Variants in HTR7 observed in about 807,000 individuals in gnomAD.
The protein encoded by HTR7 is 5-hydroxytryptamine receptor 7.
In HTR7, 16 loss-of-function variants were observed where a neutral mutation model predicts 34.0. That is an observed-to-expected ratio of 0.47 (90% CI 0.32 to 0.71). The LOEUF (loss-of-function observed/expected upper bound fraction) is 0.71. HTR7 is among the 30% of genes least tolerant of loss of function. HTR7 has a pLI of 0.04. For synonymous variants in HTR7, 265 were observed against 260.2 expected, an observed-to-expected ratio of 1.02 and a Z score of -0.18; for missense variants, 504 against 625.5, an observed-to-expected ratio of 0.81 and a Z score of 2.07.
intron 1 of HTR7, among the ~76,000 whole-genome samples, chr10:90,835,549 C>A (rs1846241235): frequency 6.6e-6 from 1 of 152,174 alleles, no homozygotes; most frequent in East Asian, 1.9e-4. Flanking sequence ...ATTAAACAGT[C>A]AACTATTGCT....
chr10:90,763,597 C>A (rs1589440432), intron 1 of HTR7, among the ~76,000 whole-genome samples: 1 of 152,276 alleles, frequency 6.6e-6, no homozygotes, highest in East Asian at 1.9e-4. Flanking sequence ...GGTATTTCTC[C>A]TAATGCTCTC....
Position 90,852,732 on chromosome 10 carries a change from T to C in HTR7, c.539+4401A>G, listed in dbSNP as rs75205009. On this transcript the variant is annotated intron_variant, in intron 1 of 3. Transcript: ENST00000336152. ...CTCTCACAGACATTATGTTGAGAAATAGAAGCCAGATTCAAAAGAGTACAT... is the reference window on the plus strand; with the variant it reads ...CTCTCACAGACATTATGTTGAGAAACAGAAGCCAGATTCAAAAGAGTACAT... Among the ~76,000 whole-genome samples, 41 of 152,310 alleles carry C rather than the reference T, an allele frequency of 2.7e-4. No homozygotes were observed. In the East Asian group the frequency reaches 6.6e-3, roughly 24 times the overall value.
chr10:90,744,805 G>A (rs557767879), intron 2 of HTR7, among the ~76,000 whole-genome samples: 6 of 152,106 alleles, frequency 3.9e-5, no homozygotes, highest in Non-Finnish European at 2.9e-5. Flanking sequence ...TAGCATAGAA[G>A]AGCCTTTATA....
chr10:90,783,219 C>T (rs1433700146), intron 1 of HTR7, among the ~76,000 whole-genome samples: 6 of 152,140 alleles, frequency 3.9e-5, no homozygotes, highest in Admixed American at 2.0e-4. Flanking sequence ...TAGCCCCTAG[C>T]CCCATGAGTG....
intron 1 of HTR7, among the ~76,000 whole-genome samples, chr10:90,831,951 G>A (rs542159660): frequency 1.3e-3 from 194 of 152,270 alleles, no homozygotes; most frequent in Middle Eastern, 3.4e-3. Context: ...ACAGAGTGCC[G>A]ATTGGCGCAT....
chr10:90,770,670 CCT>C (rs921214377), intron 1 of HTR7, among the ~76,000 whole-genome samples: 35 of 152,244 alleles, frequency 2.3e-4, no homozygotes, highest in African/African-American at 8.4e-4. Context: ...TCGCCCTGGC[CCT>C]CTCTAGACAT....
chr10:90,754,056 C>T (rs1844788378), intron 1 of HTR7, among the ~76,000 whole-genome samples: 1 of 151,492 alleles, frequency 6.6e-6, no homozygotes, highest in African/African-American at 2.4e-5. Context: ...TTGTAGTGAG[C>T]ATGTAAAAAA....
At chr10:90,797,844 C>T (rs908131223) in intron 1 of HTR7, among the ~76,000 whole-genome samples, 2 of 152,160 alleles carry the variant, frequency 1.3e-5, no homozygotes, top group South Asian at 2.1e-4. Flanking sequence ...TATTTCTTAA[C>T]AATTCTGGAG....
intron 1 of HTR7, among the ~76,000 whole-genome samples, chr10:90,835,621 C>G (rs1322200976): frequency 6.6e-6 from 1 of 152,168 alleles, no homozygotes; most frequent in African/African-American, 2.4e-5. Flanking sequence ...TTATTGAGCA[C>G]CTTCCACATA....
In HTR7 at chr10:90,741,134, G is replaced by A. The variant is rs1435372029; in HGVS notation, c.*1348C>T. ...AGAATTCCACTTTATCCTGTGAGAG[G>A]ACAGCTTGCTTTATTGTAGGAAAAT... is the stretch of plus-strand genomic sequence containing the variant. On this transcript the variant is annotated 3_prime_UTR_variant, in exon 4 of 4. Coordinates refer to ENST00000336152, the MANE Select transcript of HTR7 (RefSeq NM_019859.4). 2 of 152,536 alleles carry A rather than the reference G, an allele frequency of 1.3e-5. No homozygotes were observed. The highest frequency in any genetic ancestry group is 2.4e-5 in the African/African-American group (1 of 41,416). 9.4% of individuals were successfully genotyped at this position (152,536 alleles called of 1,614,324 possible). A position where few individuals can be genotyped will look rare whatever the true frequency, so the allele number is the denominator to read the frequency against.
intron 2 of HTR7, among the ~76,000 whole-genome samples, chr10:90,747,493 C>G (rs1410893980): frequency 6.6e-6 from 1 of 152,154 alleles, no homozygotes; most frequent in Non-Finnish European, 1.5e-5. Context: ...GCCTGTGAAG[C>G]TACACTCAGC....
intron 1 of HTR7, among the ~76,000 whole-genome samples, chr10:90,840,956 C>T (rs1846320542): frequency 6.6e-6 from 1 of 152,140 alleles, no homozygotes; most frequent in South Asian, 2.1e-4. Flanking sequence ...CATCCTTATC[C>T]CCAGCATTAA....
intron 1 of HTR7, among the ~76,000 whole-genome samples, chr10:90,839,630 G>C (rs1257472524): frequency 1.3e-5 from 2 of 152,136 alleles, no homozygotes; most frequent in African/African-American, 4.8e-5. Flanking sequence ...AGATGCACTA[G>C]AGATAGTCCC....
chr10:90,761,633 C>CGT (rs3981197), intron 1 of HTR7, among the ~76,000 whole-genome samples: 7,239 of 147,356 alleles, frequency 0.049, 209 homozygotes, highest in Admixed American at 0.084. Flanking sequence ...TGTGTGTATG[C>CGT]GTGTGTGTGT....
intron 1 of HTR7, among the ~76,000 whole-genome samples, chr10:90,841,611 A>G (rs1846330568): frequency 6.6e-6 from 1 of 152,200 alleles, no homozygotes; most frequent in Admixed American, 6.5e-5. Context: ...ATTATTATTA[A>G]CATCATCTTC....
At chr10:90,762,884 T>C (rs1461636684) in intron 1 of HTR7, among the ~76,000 whole-genome samples, 1 of 152,224 alleles carries the variant, frequency 6.6e-6, no homozygotes, top group Non-Finnish European at 1.5e-5. Flanking sequence ...ATTTATTGAA[T>C]AGACTATTCT....
rs533183482 is a variant in HTR7, at chr10:90,826,787, A to G, written c.539+30346T>C. Among the ~76,000 whole-genome samples the G allele has an allele frequency of 2.1e-3, 322 of 152,082 alleles. 1 individual carries two copies. Among genetic ancestry groups the G allele is most frequent in the Middle Eastern group, 0.01 (3 of 294 alleles). The stretch of plus-strand genomic sequence containing the variant: ...CCCATCTCTACTAAAAATACAAAAA[A>G]TTAGCCAGGTGTGGTGGCGGGTGCC... On this transcript the variant is annotated intron_variant, in intron 1 of 3. Transcript: ENST00000336152.
intron 1 of HTR7, among the ~76,000 whole-genome samples, chr10:90,831,208 G>T (rs1420377076): frequency 6.6e-6 from 1 of 152,228 alleles, no homozygotes; most frequent in Non-Finnish European, 1.5e-5. Context: ...CTGACTTCAA[G>T]AATGAAGCCG....
At chr10:90,835,756 G>A (rs1846244094) in intron 1 of HTR7, among the ~76,000 whole-genome samples, 1 of 152,190 alleles carries the variant, frequency 6.6e-6, no homozygotes, top group Non-Finnish European at 1.5e-5. Context: ...AGTAGAGAAG[G>A]AAGCTCAGGG....
Sources: allele counts gnomAD v4.1 joint callset (sites outside exome capture counted in the v4.1 genomes callset), GRCh38; gene constraint gnomAD v4.1.1; transcripts MANE v1.5; gene names NCBI Gene and HGNC (gene_info 2026-07-23, HGNC 2026-07-21).